IGFL4: variants seen among roughly 807,000 people sequenced by gnomAD.
The protein encoded by IGFL4 is IGF like family member 4, also known as insulin growth factor-like family member 4.
A neutral mutation model predicts 15.4 loss-of-function variants in IGFL4; 12 were observed. The ratio of observed to expected loss-of-function variants is 0.78; its 90% CI spans 0.50 to 1.26. The LOEUF is 1.26. IGFL4 is among the 50% of genes most tolerant of loss of function. The probability of loss-of-function intolerance (pLI) is 0.00; values close to 1 mark genes in which losing one functional copy is unlikely to be tolerated. For synonymous variants in IGFL4, 54 were observed against 55.9 expected (o/e 0.97, Z 0.16); for missense variants, 126 against 147.8 (o/e 0.85, Z 0.76).
At chr19:46,045,833 A>G (rs1430268861), upstream of IGFL4, among the ~76,000 whole-genome samples, 1 of 152,194 alleles carries the variant, frequency 6.6e-6, no homozygotes, top group Non-Finnish European at 1.5e-5. Context: ...CAAGTTGGAA[A>G]ACATACTCCA....
intron 1 of IGFL4, among the ~76,000 whole-genome samples, chr19:46,075,872 C>T (rs1969590695): frequency 6.6e-6 from 1 of 152,132 alleles, no homozygotes; most frequent in Non-Finnish European, 1.5e-5. Flanking sequence ...TTTATTCAAT[C>T]ATTTATTTAT....
At position 46,064,109 on chromosome 19, in the gene IGFL4, G is replaced by A. The variant is rs552402503; in HGVS notation, c.-431-3816C>T. Reference sequence around the variant, plus strand: ...AAATTCCAACAGCTTTTTTCTTCCTGGAAGTTTACATGCTGATTCTTGTTA... The same window carrying A: ...AAATTCCAACAGCTTTTTTCTTCCTAGAAGTTTACATGCTGATTCTTGTTA... On this transcript the variant is annotated intron_variant, in intron 1 of 5. Coordinates refer to the IGFL4 transcript ENST00000601672. Among the ~76,000 whole-genome samples, 700 of 150,738 alleles carry A rather than the reference G, an allele frequency of 4.6e-3. 5 individuals carry two copies. The highest frequency in any genetic ancestry group is 7.7e-3 in the Admixed American group (116 of 15,148).
intron 1 of IGFL4, among the ~76,000 whole-genome samples, chr19:46,060,785 C>T (rs1036076486): frequency 1.3e-5 from 2 of 152,164 alleles, no homozygotes; most frequent in African/African-American, 2.4e-5. Flanking sequence ...AGCCAAACAT[C>T]ATTTCATATT....
At chr19:46,070,249 A>G (rs933075189) in intron 1 of IGFL4, among the ~76,000 whole-genome samples, 23 of 152,012 alleles carry the variant, frequency 1.5e-4, no homozygotes, top group African/African-American at 5.6e-4. Context: ...AGCTGACGTC[A>G]TGCAAGTCTT....
intron 1 of IGFL4, among the ~76,000 whole-genome samples, chr19:46,070,105 T>A (rs757801769): frequency 6.6e-6 from 1 of 151,740 alleles, no homozygotes; most frequent in Non-Finnish European, 1.5e-5. Flanking sequence ...TATGTTTGCA[T>A]CCCATGAAGC....
chr19:46,060,318 C>T (rs1478807104), intron 1 of IGFL4: 1 of 152,096 alleles, frequency 6.6e-6, no homozygotes, highest in Non-Finnish European at 1.5e-5. Context: ...AAAGGATCCG[C>T]AACATTTTAA....
At chr19:46,042,404 C>T (rs916682827), upstream of IGFL4, among the ~76,000 whole-genome samples, 5 of 152,080 alleles carry the variant, frequency 3.3e-5, no homozygotes, top group South Asian at 2.1e-4. Flanking sequence ...GTGTGAATAC[C>T]GCATTATAAC....
rs564668823 is a variant in IGFL4, at chr19:46,060,887, A to C, written c.-431-594T>G. On this transcript the variant is annotated intron_variant, in intron 1 of 5. Coordinates refer to the IGFL4 transcript ENST00000601672. ...TTAATGTTAAACCTAATTCTTAATA[A>C]AATTTTATAGACAAATCTATTTAAC... Among the ~76,000 whole-genome samples, 60 of 152,344 alleles carry C rather than the reference A, an allele frequency of 3.9e-4. 2 individuals are homozygous for C. In the South Asian group the frequency reaches 8.5e-3, roughly 22 times the overall value.
intron 1 of IGFL4, among the ~76,000 whole-genome samples, chr19:46,072,677 T>G (rs945452925): frequency 2.0e-5 from 3 of 152,152 alleles, no homozygotes; most frequent in African/African-American, 7.2e-5. Flanking sequence ...AGAGCCCTTA[T>G]GATGTGTTCT....
chr19:46,061,747 A>G (rs1443069014), intron 1 of IGFL4, among the ~76,000 whole-genome samples: 1 of 152,180 alleles, frequency 6.6e-6, no homozygotes, highest in African/African-American at 2.4e-5. Flanking sequence ...CATCCCCCAT[A>G]GGAGTCTTAT....
At chr19:46,065,511 G>A (rs1969486636) in intron 1 of IGFL4, among the ~76,000 whole-genome samples, 2 of 152,212 alleles carry the variant, frequency 1.3e-5, no homozygotes, top group South Asian at 4.1e-4. Flanking sequence ...GTTTCAACGT[G>A]TTGGCCAGGC....
intron 1 of IGFL4, among the ~76,000 whole-genome samples, chr19:46,068,707 G>C (rs12461405): frequency 0.069 from 10,562 of 152,214 alleles, 610 homozygotes; most frequent in African/African-American, 0.15. Flanking sequence ...CTGAGGAACC[G>C]CCGGGAAAGA....
chr19:46,073,887 G>T (rs75382454), intron 1 of IGFL4, among the ~76,000 whole-genome samples: 511 of 152,244 alleles, frequency 3.4e-3, no homozygotes, highest in African/African-American at 0.011. Context: ...CCAAATTATT[G>T]TAACACATAA....
At chr19:46,046,136 C>A (rs1969295493) in intron 2 of IGFL4, among the ~76,000 whole-genome samples, 1 of 152,082 alleles carries the variant, frequency 6.6e-6, no homozygotes, top group African/African-American at 2.4e-5. Flanking sequence ...AATTTCCAAC[C>A]CAGGATTTCA....
At chr19:46,050,533 T>C (rs765177297) in intron 2 of IGFL4, among the ~76,000 whole-genome samples, 1 of 152,134 alleles carries the variant, frequency 6.6e-6, no homozygotes, top group Non-Finnish European at 1.5e-5. Flanking sequence ...CACTGGAAAG[T>C]CTCAGCGATA....
Position 46,040,892 on chromosome 19 carries a change from G to A in IGFL4, c.19+52C>T. The A allele has an allele frequency of 6.7e-7, 1 of 1,496,322 alleles. No individual in the cohort carries two copies. Among genetic ancestry groups the A allele is most frequent in the African/African-American group, 1.4e-5 (1 of 72,510 alleles). The allele number at this position is 1,496,322 out of a possible 1,614,324, so 92.7% of individuals were successfully genotyped here. On this transcript the variant is annotated intron_variant, in intron 1 of 3. Transcript: ENST00000377697. The surrounding 1 kb of genome is among the most constrained non-coding windows in gnomAD (Gnocchi z 4.1). The stretch of plus-strand genomic sequence containing the variant: ...TAACTTTGAAGTTCAGAAATAATTA[G>A]GGATGTGATATCATTAGGGATTAGC...
intron 1 of IGFL4, among the ~76,000 whole-genome samples, chr19:46,061,508 A>G (rs1201853493): frequency 6.6e-6 from 1 of 152,194 alleles, no homozygotes; most frequent in East Asian, 1.9e-4. Flanking sequence ...GATTACTGGC[A>G]GGGTGGAGCC....
At chr19:46,045,247 A>G (rs1024653633), upstream of IGFL4, among the ~76,000 whole-genome samples, 27 of 152,154 alleles carry the variant, frequency 1.8e-4, no homozygotes, top group African/African-American at 6.5e-4. Flanking sequence ...GTTAGAGACC[A>G]GCCTGACCAA....
chr19:46,039,897 T>C lies in IGFL4; in HGVS notation c.370A>G (p.Ile124Val). ...CTCTGCTACCCCAGAACAGTCTAGA[T>C]GAGGTCAGATCTTGACACAGGGCTT... is the stretch of plus-strand genomic sequence containing the variant. Reference protein sequence around the residue: ...PKSPVSRSDLI With the variant: ...PKSPVSRSDLV Residue 124 changes from isoleucine to valine, a missense_variant, in exon 4 of 4, where the codon ATC (isoleucine) becomes GTC (valine). By Grantham distance (29) the Ile-to-Val change is conservative (BLOSUM62 3). Transcript: ENST00000377697. 1 of 1,611,914 alleles carries C rather than the reference T, an allele frequency of 6.2e-7. No homozygotes were observed. Among genetic ancestry groups the C allele is most frequent in the South Asian group, 1.1e-5 (1 of 91,032 alleles).
Sources: gnomAD v4.1 joint callset for allele counts (sites outside exome capture counted in the v4.1 genomes callset) on GRCh38, gnomAD v4.1.1 for gene constraint, Gnocchi (gnomAD v3.1) non-coding constraint, MANE v1.5 for transcripts, NCBI Gene and HGNC (gene_info 2026-07-23, HGNC 2026-07-21) for gene names.